GAS7: variants seen among roughly 807,000 people sequenced by gnomAD.
The protein encoded by GAS7 is growth arrest-specific protein 7.
Under a neutral mutation model 71.1 loss-of-function variants are expected in GAS7, and 28 were observed. That is an observed-to-expected ratio of 0.39 (90% CI 0.29 to 0.54). The LOEUF is 0.54. Ranked by LOEUF, GAS7 falls within the 20% of genes least tolerant of loss-of-function variation. The pLI is 0.62. For synonymous variants in GAS7, 258 were observed against 245.8 expected (o/e 1.05, Z -0.46); for missense variants, 436 against 627.8 (o/e 0.69, Z 3.27).
intron 1 of GAS7, chr17:10,036,558 G>C (rs548290908): frequency 1.9e-6 from 3 of 1,566,258 alleles, no homozygotes; most frequent in Non-Finnish European, 2.6e-6. Flanking sequence ...GCCTCTCCGG[G>C]AAATGGGGCT....
At chr17:10,197,185 G>T (rs551921436) in intron 1 of GAS7, among the ~76,000 whole-genome samples, 3 of 152,150 alleles carry the variant, frequency 2.0e-5, no homozygotes, top group African/African-American at 7.2e-5. Context: ...CGCCCCCGAT[G>T]AATTGCACTG....
At chr17:10,082,175 T>A (rs1382877461) in intron 1 of GAS7, among the ~76,000 whole-genome samples, 1 of 152,180 alleles carries the variant, frequency 6.6e-6, no homozygotes, top group East Asian at 1.9e-4. Context: ...AAACAAGACA[T>A]TGCTAAACAG....
intron 1 of GAS7, among the ~76,000 whole-genome samples, chr17:10,119,130 A>C (rs979363402): frequency 6.6e-6 from 1 of 152,178 alleles, no homozygotes; most frequent in African/African-American, 2.4e-5. Context: ...TGAGGTGGGA[A>C]TGGGTTGCGG....
intron 1 of GAS7, among the ~76,000 whole-genome samples, chr17:10,033,134 G>A (rs183729362): frequency 6.6e-6 from 1 of 152,286 alleles, no homozygotes; most frequent in African/African-American, 2.4e-5. Context: ...TTCTATGCTA[G>A]TTGATATCTA....
At chr17:10,010,577 C>G (rs1049214927) in intron 2 of GAS7, among the ~76,000 whole-genome samples, 1 of 152,194 alleles carries the variant, frequency 6.6e-6, no homozygotes, top group Non-Finnish European at 1.5e-5. Flanking sequence ...TATGACAGGG[C>G]TATATACTGA....
rs145023150 is a variant in GAS7, at chr17:10,167,904, G to A, written c.183+30304C>T. 6.6e-4 allele frequency among the ~76,000 whole-genome samples: 100 copies of A among 151,990 alleles called. No homozygotes were observed. In the East Asian group the frequency reaches 0.015, roughly 22 times the overall value. ...TGTAGAGACGGGATTTTGTCATGTT[G>A]CGCAGGCTGGTCTTGAACTCCTGGG... is the stretch of plus-strand genomic sequence containing the variant. On this transcript the variant is annotated intron_variant, in intron 1 of 13. Coordinates refer to ENST00000432992, the MANE Select transcript of GAS7 (RefSeq NM_201433.2).
At chr17:10,187,850 T>A (rs1244086994) in intron 1 of GAS7, among the ~76,000 whole-genome samples, 2 of 152,248 alleles carry the variant, frequency 1.3e-5, no homozygotes, top group Non-Finnish European at 2.9e-5. Context: ...GTACACACAG[T>A]TCCCACTTTT....
chr17:10,182,489 T>G (rs1008047422), intron 1 of GAS7, among the ~76,000 whole-genome samples: 1 of 152,098 alleles, frequency 6.6e-6, no homozygotes, highest in African/African-American at 2.4e-5. Flanking sequence ...TAAATTTGCT[T>G]TTACTTTGTC....
chr17:10,030,809 A>G (rs2072599343), intron 1 of GAS7, among the ~76,000 whole-genome samples: 2 of 152,188 alleles, frequency 1.3e-5, no homozygotes, highest in African/African-American at 4.8e-5. Flanking sequence ...TGTGGCAGCA[A>G]TCATCAGCAC....
At chr17:10,020,190 G>GA in intron 1 of GAS7, 1 of 286,470 alleles carries the variant, frequency 3.5e-6, no homozygotes, top group South Asian at 8.0e-5. Context: ...CGGCCCCCTA[G>GA]AAAATCACTC....
chr17:10,136,796 T>C lies in GAS7; in HGVS notation c.183+61412A>G, dbSNP rs116901329. On this transcript the variant is annotated intron_variant, in intron 1 of 13. Transcript: ENST00000432992. ...AAACAGTGGGAGGGACACAAATTCC[T>C]CCATTATCTGACCCTCTTTGACCTC... 3.7e-4 allele frequency among the ~76,000 whole-genome samples: 56 copies of C among 152,164 alleles called. No homozygotes were observed. In the East Asian group the frequency reaches 9.3e-3, roughly 25 times the overall value.
chr17:10,055,351 G>T (rs562732803), intron 1 of GAS7, among the ~76,000 whole-genome samples: 51 of 152,282 alleles, frequency 3.3e-4, no homozygotes, highest in African/African-American at 1.1e-3. Flanking sequence ...CTCTGGGGCC[G>T]CTGGGAAGAA....
At chr17:10,040,557 C>T (rs968786091) in intron 1 of GAS7, among the ~76,000 whole-genome samples, 13 of 152,032 alleles carry the variant, frequency 8.6e-5, no homozygotes, top group Admixed American at 5.2e-4. Flanking sequence ...GGGAGGAAAC[C>T]GGCTATAGAA....
chr17:10,152,625 C>T (rs1479079341), intron 1 of GAS7, among the ~76,000 whole-genome samples: 1 of 152,172 alleles, frequency 6.6e-6, no homozygotes, highest in Non-Finnish European at 1.5e-5. Flanking sequence ...GTGCAAGGGG[C>T]CATGTTAAAC....
At chr17:10,022,489 C>G (rs16959241) in intron 1 of GAS7, among the ~76,000 whole-genome samples, 25,131 of 152,208 alleles carry the variant, frequency 0.17, 2,179 homozygotes, top group African/African-American at 0.2. Context: ...CCCACAGGCA[C>G]AGCGAAAACA....
At chr17:10,146,106 T>A (rs6503289) in intron 1 of GAS7, among the ~76,000 whole-genome samples, 21,588 of 151,984 alleles carry the variant, frequency 0.14, 1,703 homozygotes, top group East Asian at 0.28. Context: ...AGCATCTGGT[T>A]CTCCCCAAAC....
intron 1 of GAS7, among the ~76,000 whole-genome samples, chr17:10,028,537 A>C (rs543332554): frequency 1.3e-5 from 2 of 152,330 alleles, no homozygotes; most frequent in South Asian, 4.1e-4. Flanking sequence ...AGAGAAACAC[A>C]AACTTCTCAT....
rs58006119 is a variant in GAS7, at chr17:10,143,016, CAA to C, written c.183+55190_183+55191del. Among the ~76,000 whole-genome samples, 530 of 140,164 alleles carry C rather than the reference CAA, an allele frequency of 3.8e-3. 1 individual carries two copies. The highest frequency in any genetic ancestry group is 4.3e-3 in the Non-Finnish European group (276 of 64,852). 92.0% of individuals were successfully genotyped at this position (140,164 alleles called of 152,430 possible). On this transcript the variant is annotated intron_variant, in intron 1 of 13. Transcript: ENST00000432992. ...CGAAACCCCATCTCTACTAAAAATA[CAA>C]AAAAAAAAAAAAAATTAGCCAGGCA...
chr17:10,032,126 A>AC (rs1303760388), intron 1 of GAS7, among the ~76,000 whole-genome samples: 1 of 151,898 alleles, frequency 6.6e-6, no homozygotes, highest in African/African-American at 2.4e-5. Context: ...AAAAAAAAAA[A>AC]AAAACCCTAC....
Sources: gnomAD v4.1 joint callset for allele counts (sites outside exome capture counted in the v4.1 genomes callset) on GRCh38, gnomAD v4.1.1 for gene constraint, MANE v1.5 for transcripts, NCBI Gene and HGNC (gene_info 2026-07-23, HGNC 2026-07-21) for gene names.